XKR3: variants seen among roughly 807,000 people sequenced by gnomAD.
XKR3 encodes XK related 3, also known as XK-related protein 3.
A neutral mutation model predicts 40.3 loss-of-function variants in XKR3; 27 were observed. That is an observed-to-expected ratio of 0.67 (90% CI 0.49 to 0.92). The LOEUF is 0.92. Among genes scored for constraint, XKR3 ranks in the 40% least tolerant of loss-of-function variants. The probability of loss-of-function intolerance (pLI) is 0.00; values close to 1 mark genes in which losing one functional copy is unlikely to be tolerated. For synonymous variants in XKR3, 193 were observed against 195.4 expected, an observed-to-expected ratio of 0.99 and a Z score of 0.10; for missense variants, 472 against 537.6, an observed-to-expected ratio of 0.88 and a Z score of 1.21.
In XKR3 at chr22:16,811,668, C is replaced by G. The variant is rs73386010; in HGVS notation, c.-10-3585G>C. Among the ~76,000 whole-genome samples, 1,338 of 152,186 alleles carry G rather than the reference C, an allele frequency of 8.8e-3. 21 individuals are homozygous for G. Among genetic ancestry groups the G allele is most frequent in the African/African-American group, 0.031 (1,277 of 41,522 alleles). ...AACAATTTATAATTTAATGTTGGTA[C>G]TGCCAACTCCTTTCTAGATTCTGAA... On this transcript the variant is annotated intron_variant, in intron 1 of 3. Transcript: ENST00000684488.
intron 1 of XKR3, among the ~76,000 whole-genome samples, chr22:16,823,293 A>G (rs1370570883): frequency 1.3e-5 from 2 of 152,216 alleles, no homozygotes; most frequent in East Asian, 3.8e-4. Flanking sequence ...AGAAAATAAT[A>G]CATCGGCAGC....
At chr22:16,790,100 C>T (rs1258744813) in intron 3 of XKR3, among the ~76,000 whole-genome samples, 1 of 152,180 alleles carries the variant, frequency 6.6e-6, no homozygotes, top group Non-Finnish European at 1.5e-5. Context: ...ACTCATGCCA[C>T]TGCACTAACC....
chr22:16,823,801 A>G (rs1000460118), intron 1 of XKR3, among the ~76,000 whole-genome samples: 3 of 57,716 alleles, frequency 5.2e-5, no homozygotes, highest in Non-Finnish European at 1.4e-4. Flanking sequence ...CTCAAGTACT[A>G]AAAGGTTTTT....
intron 3 of XKR3, among the ~76,000 whole-genome samples, chr22:16,791,685 A>G (rs2060116356): frequency 6.6e-6 from 1 of 150,544 alleles, no homozygotes; most frequent in African/African-American, 2.5e-5. Flanking sequence ...GTAAAAAAAA[A>G]ATAGAGAAAG....
At chr22:16,798,038 G>A (rs5748642) in intron 3 of XKR3, among the ~76,000 whole-genome samples, 3,979 of 151,368 alleles carry the variant, frequency 0.026, 96 homozygotes, top group Admixed American at 0.071. Flanking sequence ...AAATTAGCTG[G>A]GCATGTTGGC....
rs543400602 is a variant in XKR3 at position 16,823,788 on chromosome 22, G to T, written c.-11+1503C>A. On this transcript the variant is annotated intron_variant, in intron 1 of 3. Transcript: ENST00000684488. ...CCAATTCAAAATATGAAACTTTAGG[G>T]TACTCAAGTACTAAAAGGTTTTTTT... is the stretch of plus-strand genomic sequence containing the variant. Among the ~76,000 whole-genome samples the T allele has an allele frequency of 2.1e-4, 29 of 137,490 alleles. No homozygotes were observed. The South Asian group carries it at 7.0e-3, about 33-fold the overall frequency. The allele number at this position is 137,490 out of a possible 152,430, so 90.2% of individuals were successfully genotyped here.
chr22:16,817,016 T>C (rs572172246), intron 1 of XKR3, among the ~76,000 whole-genome samples: 2 of 152,186 alleles, frequency 1.3e-5, no homozygotes, highest in East Asian at 1.9e-4. Context: ...TACATTTATG[T>C]ATTTTCCCCC....
At chr22:16,813,725 C>G (rs2146174912) in intron 1 of XKR3, among the ~76,000 whole-genome samples, 1 of 152,298 alleles carries the variant, frequency 6.6e-6, no homozygotes, top group South Asian at 2.1e-4. Flanking sequence ...GAATGTATGT[C>G]CAATCTTTTG....
At chr22:16,809,332 C>A (rs2060203366) in intron 1 of XKR3, among the ~76,000 whole-genome samples, 1 of 151,988 alleles carries the variant, frequency 6.6e-6, no homozygotes, top group African/African-American at 2.4e-5. Flanking sequence ...TGATCTTTTT[C>A]TCTTTTGTGT....
intron 3 of XKR3, among the ~76,000 whole-genome samples, chr22:16,798,186 A>C (rs1411665641): frequency 2.0e-5 from 3 of 151,274 alleles, no homozygotes; most frequent in African/African-American, 7.3e-5. Flanking sequence ...ATCTCAAAAA[A>C]AAAAAAACAA....
intron 1 of XKR3, among the ~76,000 whole-genome samples, chr22:16,821,354 T>C (rs1188698733): frequency 6.6e-6 from 1 of 152,102 alleles, no homozygotes; most frequent in African/African-American, 2.4e-5. Context: ...ACAGATTATC[T>C]TAAGAGTACT....
intron 1 of XKR3, among the ~76,000 whole-genome samples, chr22:16,810,422 T>G (rs1001124276): frequency 6.6e-6 from 1 of 152,244 alleles, no homozygotes; most frequent in African/African-American, 2.4e-5. Context: ...CTGCATGTTT[T>G]ACTTTTAAGA....
chr22:16,786,212 T>G (rs2060090220), intron 3 of XKR3, among the ~76,000 whole-genome samples: 1 of 150,342 alleles, frequency 6.7e-6, no homozygotes, highest in Non-Finnish European at 1.5e-5. Context: ...GAGTTCAAGA[T>G]CAACCTGGGC....
At chr22:16,793,138 CAG>C (rs1359627223) in intron 3 of XKR3, among the ~76,000 whole-genome samples, 1 of 152,150 alleles carries the variant, frequency 6.6e-6, no homozygotes, top group African/African-American at 2.4e-5. Flanking sequence ...TCAGCCTCCC[CAG>C]TAGCTGGGAT....
intron 3 of XKR3, among the ~76,000 whole-genome samples, chr22:16,794,386 C>T (rs1277926118): frequency 6.6e-6 from 1 of 151,992 alleles, no homozygotes; most frequent in Admixed American, 6.5e-5. Flanking sequence ...GGCAGCAGAC[C>T]TCTTAGCAGA....
At chr22:16,803,609 T>C (rs2060178058) in intron 2 of XKR3, among the ~76,000 whole-genome samples, 1 of 152,226 alleles carries the variant, frequency 6.6e-6, no homozygotes, top group East Asian at 1.9e-4. Context: ...ATGAACTTCC[T>C]AATAAAACAG....
intron 1 of XKR3, among the ~76,000 whole-genome samples, chr22:16,809,392 T>A (rs1601848229): frequency 6.6e-6 from 1 of 152,224 alleles, no homozygotes; most frequent in Non-Finnish European, 1.5e-5. Flanking sequence ...ATCACACGTG[T>A]ATTAAAAAAA....
chr22:16,787,583 C>T (rs1486651305), intron 3 of XKR3, among the ~76,000 whole-genome samples: 1 of 148,688 alleles, frequency 6.7e-6, no homozygotes, highest in Non-Finnish European at 1.5e-5. Context: ...AAAAAATAAG[C>T]GTATTGTAGG....
In XKR3 at chr22:16,799,895, A is replaced by T. The variant is rs2146157827; in HGVS notation, c.465T>A (p.Asp155Glu). The T allele has an allele frequency of 6.2e-7, 1 of 1,614,146 alleles. No homozygotes were observed. Among genetic ancestry groups the T allele is most frequent in the Non-Finnish European group, 8.5e-7 (1 of 1,180,022 alleles). The change falls in exon 3 of 4, where the codon GAT (aspartate) becomes GAA (glutamate). Residue 155 changes from aspartate (D) to glutamate (E), a missense_variant. By Grantham distance (45) the Asp-to-Glu change is conservative. Coordinates refer to ENST00000684488, the MANE Select transcript of XKR3 (RefSeq NM_001386955.1). ...TGAAAGCCTTCTGCTGCATGAAATT[A>T]TCCCGGATTGAGAATGCAATCTCCC... ...LEREIAFSIR[D>E]NFMQQKAFKY...
Sources: gnomAD v4.1 joint callset for allele counts (sites outside exome capture counted in the v4.1 genomes callset) on GRCh38, gnomAD v4.1.1 for gene constraint, MANE v1.5 for transcripts, NCBI Gene and HGNC (gene_info 2026-07-23, HGNC 2026-07-21) for gene names.